CHAT: variants seen among roughly 807,000 people sequenced by gnomAD.
The protein encoded by CHAT is choline O-acetyltransferase.
A neutral mutation model predicts 76.9 loss-of-function variants in CHAT; 61 were observed. The ratio of observed to expected loss-of-function variants is 0.79; its 90% confidence interval spans 0.65 to 0.98. The LOEUF (loss-of-function observed/expected upper bound fraction) is 0.98, where lower values mean the gene tolerates loss of function less well. Among genes scored for constraint, CHAT ranks in the 50% least tolerant of loss-of-function variants. The pLI, the probability that CHAT is intolerant of heterozygous loss-of-function variation, is 0.00. For synonymous variants in CHAT, 407 were observed against 397.4 expected (o/e 1.02, Z -0.29); for missense variants, 946 against 986.9 (o/e 0.96, Z 0.56).
At chr10:49,659,181 A>G (rs1479478902) in intron 13 of CHAT, among the ~76,000 whole-genome samples, 1 of 152,232 alleles carries the variant, frequency 6.6e-6, no homozygotes, top group Non-Finnish European at 1.5e-5. Flanking sequence ...TAAAAAGAGT[A>G]GTGTCTTCAA....
intron 8 of CHAT, chr10:49,648,079 T>G: frequency 8.3e-6 from 2 of 240,052 alleles, no homozygotes; most frequent in South Asian, 1.2e-4. Flanking sequence ...GAAGTGAGTT[T>G]CTTTGTAGAA....
At chr10:49,661,028 T>C (rs1298184750) in intron 13 of CHAT, among the ~76,000 whole-genome samples, 1 of 152,204 alleles carries the variant, frequency 6.6e-6, no homozygotes, top group Non-Finnish European at 1.5e-5. Context: ...TTTTGCATGG[T>C]TGATGAAATC....
In CHAT at chr10:49,617,259, C is replaced by G. The variant is rs561420745; in HGVS notation, c.387+657C>G. On this transcript the variant is annotated intron_variant, in intron 2 of 14. Coordinates refer to ENST00000337653, the MANE Select transcript of CHAT (RefSeq NM_020549.5). ...GCTTCTCCCCAAGAAGCTGTTCACT[C>G]CATTGCCCTGAATTCTGCAGCTGAC... Among the ~76,000 whole-genome samples, 4 of 152,024 alleles carry G rather than the reference C, an allele frequency of 2.6e-5. No homozygotes were observed. In the East Asian group the frequency reaches 7.8e-4, roughly 29 times the overall value.
chr10:49,652,112 C>A, intron 11 of CHAT, 106 bp downstream of exon 11: 1 of 1,477,622 alleles, frequency 6.8e-7, no homozygotes, highest in Non-Finnish European at 9.4e-7. Flanking sequence ...CTTCTGTGGG[C>A]CTGGAAGACT....
intron 5 of CHAT, among the ~76,000 whole-genome samples, chr10:49,622,888 T>G (rs1237378036): frequency 1.3e-5 from 2 of 152,116 alleles, no homozygotes; most frequent in Non-Finnish European, 2.9e-5. Flanking sequence ...GGGGCAAACT[T>G]CACTCTTTGT....
At chr10:49,614,902 G>T (rs1262297685) in intron 1 of CHAT, among the ~76,000 whole-genome samples, 1 of 152,252 alleles carries the variant, frequency 6.6e-6, no homozygotes, top group Non-Finnish European at 1.5e-5. Flanking sequence ...GCCGATGACA[G>T]CCTGTGAATG....
At chr10:49,609,829 G>C (rs962580093), upstream of CHAT, among the ~76,000 whole-genome samples, 1 of 152,180 alleles carries the variant, frequency 6.6e-6, no homozygotes, top group African/African-American at 2.4e-5. Context: ...ATCCAGCTGC[G>C]AGAACAGATG....
At chr10:49,612,244 C>G (rs769518248), upstream of CHAT, 3 of 1,609,844 alleles carry the variant, frequency 1.9e-6, no homozygotes, top group Admixed American at 5.0e-5. Flanking sequence ...CCTGCGTGAG[C>G]GTCCTGTGTC....
intron 7 of CHAT, among the ~76,000 whole-genome samples, chr10:49,643,835 A>C (rs1377330300): frequency 1.3e-5 from 2 of 152,152 alleles, no homozygotes; most frequent in Non-Finnish European, 2.9e-5. Context: ...CCCAGCATGG[A>C]CTGTGCTTGC....
At chr10:49,615,533 T>C (rs905458441) in intron 1 of CHAT, among the ~76,000 whole-genome samples, 6 of 152,160 alleles carry the variant, frequency 3.9e-5, no homozygotes, top group Non-Finnish European at 8.8e-5. Context: ...TGCTTGCCTC[T>C]GGGTAGGGGT....
chr10:49,612,634 C>T (rs532052343), upstream of CHAT: 13 of 392,090 alleles, frequency 3.3e-5, no homozygotes, highest in Non-Finnish European at 5.2e-5. Context: ...ATCTGTCTGT[C>T]CTTCCTTCCA....
rs1296025974 is a variant in CHAT, at chr10:49,619,991, G to A, written c.579+75G>A. 6.9e-6 allele frequency: 10 copies of A among 1,447,240 alleles called. No homozygotes were observed. The Admixed American group carries it at 1.8e-4, about 26-fold the overall frequency. 89.6% of individuals were successfully genotyped at this position (1,447,240 alleles called of 1,614,324 possible). On this transcript the variant is annotated intron_variant, in intron 3 of 14. Transcript: ENST00000337653. ...TGGAGACAGAGGGATCTCGGTGAGAGGCAGGTAGGGGACAAAGACAGGGCA... is the reference window on the plus strand; with the variant it reads ...TGGAGACAGAGGGATCTCGGTGAGAAGCAGGTAGGGGACAAAGACAGGGCA...
chr10:49,656,221 C>T (rs531998325), intron 13 of CHAT, among the ~76,000 whole-genome samples: 38 of 151,124 alleles, frequency 2.5e-4, no homozygotes, highest in Non-Finnish European at 5.3e-4. Context: ...CCTAATTCAT[C>T]TAAATACTTC....
Position 49,662,161 on chromosome 10 carries a change from C to T in CHAT, c.1840-484C>T, listed in dbSNP as rs146298058. Reference sequence around the variant, plus strand: ...CCTGGGCTCCTACTGGAGGAGACAGCGCTGGTTGTGGTGGGAGTCTGTTCA... The same window carrying T: ...CCTGGGCTCCTACTGGAGGAGACAGTGCTGGTTGTGGTGGGAGTCTGTTCA... On this transcript the variant is annotated intron_variant, in intron 13 of 14. Transcript: ENST00000337653. Among the ~76,000 whole-genome samples the T allele has an allele frequency of 3.8e-4, 58 of 152,282 alleles. 1 individual carries two copies. In the Middle Eastern group the frequency reaches 0.01, roughly 27 times the overall value.
chr10:49,616,215 T>G, intron 1 of CHAT: 1 of 1,037,462 alleles, frequency 9.6e-7, no homozygotes, highest in Non-Finnish European at 1.5e-6. Flanking sequence ...TGGATTTGGA[T>G]TGCCCCAGGG....
rs1838668772 is a variant in CHAT, at chr10:49,620,569, G to T, written c.654G>T (p.Val218=). The change falls in exon 4 of 15, where the codon GTG becomes GTT. Residue 218 remains valine (V), a synonymous_variant. Transcript: ENST00000337653. ...LALPVNSSPA[V]IFARQHFPGT... is the part of the protein sequence containing the mutation. ...TGCCTGTCAACTCCAGCCCTGCCGTGATCTTTGCTCGGCAGCACTTCCCTG... is the reference window on the plus strand; with the variant it reads ...TGCCTGTCAACTCCAGCCCTGCCGTTATCTTTGCTCGGCAGCACTTCCCTG... The T allele has an allele frequency of 4.3e-6, 7 of 1,613,854 alleles. No homozygotes were observed. The highest frequency in any genetic ancestry group is 5.9e-6 in the Non-Finnish European group (7 of 1,179,826).
At chr10:49,612,664 T>C, upstream of CHAT, 1 of 324,894 alleles carries the variant, frequency 3.1e-6, no homozygotes. Flanking sequence ...GTGCCAAACT[T>C]GGGCCGCTGC....
rs922783433 is a variant in CHAT, at chr10:49,614,091, C to T, written c.-99C>T. 1.3e-6 allele frequency: 2 copies of T among 1,542,898 alleles called. No homozygotes were observed. Among genetic ancestry groups the T allele is most frequent in the Admixed American group, 3.9e-5 (2 of 50,944 alleles). On this transcript the variant is annotated 5_prime_UTR_variant, in exon 1 of 15. Transcript: ENST00000337653. ...GCGGGACAGTGTTCTGTGCCCCCTT[C>T]TAGAGCCTAAATTTGTTGCCCGAGT...
In CHAT at chr10:49,665,011, A is replaced by G. The variant is rs142285373; in HGVS notation, c.2212A>G (p.Lys738Glu). The G allele has an allele frequency of 3.1e-5, 50 of 1,614,204 alleles. No individual in the cohort carries two copies. The African/African-American group carries it at 6.1e-4, about 20-fold the overall frequency. Reference protein sequence around the residue: ...TESKPLATKEKATRPSQGHQP With the variant: ...TESKPLATKEEATRPSQGHQP ...GAGCAAGCCATTGGCAACAAAGGAAAAAGCCACGAGGCCCAGCCAGGGACA... is the reference window on the plus strand; with the variant it reads ...GAGCAAGCCATTGGCAACAAAGGAAGAAGCCACGAGGCCCAGCCAGGGACA... The change falls in exon 15 of 15, where the codon AAA (lysine) becomes GAA (glutamate). Residue 738 changes from lysine to glutamate, a missense_variant. Transcript: ENST00000337653.
Sources: allele counts gnomAD v4.1 joint callset (sites outside exome capture counted in the v4.1 genomes callset), GRCh38; gene constraint gnomAD v4.1.1; transcripts MANE v1.5; gene names NCBI Gene and HGNC (gene_info 2026-07-23, HGNC 2026-07-21).